Variants in HDAC5 observed in about 807,000 individuals in gnomAD.
HDAC5 encodes histone deacetylase 5.
HDAC5 carries 25 observed loss-of-function variants against 133.3 expected under a neutral mutation model. That is an observed-to-expected ratio of 0.19 (90% CI 0.14 to 0.26). The LOEUF (loss-of-function observed/expected upper bound fraction) is 0.26. Among genes scored for constraint, HDAC5 ranks in the 10% least tolerant of loss-of-function variants. The pLI, the probability that HDAC5 is intolerant of heterozygous loss-of-function variation, is 1.00. For missense variants in HDAC5, 1,041 were observed against 1,460.5 expected, an observed-to-expected ratio of 0.71 and a Z score of 4.68; for synonymous variants, 589 against 610.8, an observed-to-expected ratio of 0.96 and a Z score of 0.53.
chr17:44,092,309 G>C, intron 8 of HDAC5, 25 bp from the exon 9 acceptor site: 5 of 1,613,488 alleles, frequency 3.1e-6, no homozygotes, highest in Non-Finnish European at 4.2e-6. Flanking sequence ...GCTGTCACCT[G>C]GGCCTGCTGT....
intron 12 of HDAC5, 96 bp downstream of exon 12, chr17:44,088,291 G>C (rs137940126): frequency 2.0e-6 from 3 of 1,476,870 alleles, no homozygotes; most frequent in East Asian, 2.5e-5. Context: ...GCGAGCCACC[G>C]TGTCTGGCCT....
In HDAC5 at chr17:44,092,435, C is replaced by T; in HGVS notation, c.865G>A (p.Val289Ile). Residue 289 changes from valine (V) to isoleucine (I), a missense_variant, in exon 8 of 27, where the codon GTT becomes ATT. By Grantham distance (29) the Val-to-Ile change is conservative (BLOSUM62 3). Transcript: ENST00000682912. ...SPLLRRKDGT[V>I]ISTFKKRAVE... ...GCTCTCTTCTTAAAGGTGCTAATAACAGTCCCATCCTTGCGACGCAGGAGG... is the reference window on the plus strand; with the variant it reads ...GCTCTCTTCTTAAAGGTGCTAATAATAGTCCCATCCTTGCGACGCAGGAGG... The T allele has an allele frequency of 1.9e-6, 3 of 1,614,068 alleles. No individual in the cohort carries two copies. Among genetic ancestry groups the T allele is most frequent in the Non-Finnish European group, 2.5e-6 (3 of 1,179,970 alleles).
chr17:44,102,691 GTC>G (rs981051932), intron 3 of HDAC5, among the ~76,000 whole-genome samples: 5 of 133,844 alleles, frequency 3.7e-5, no homozygotes, highest in African/African-American at 1.4e-4. Flanking sequence ...TTTGGAGACA[GTC>G]TCTCTGTTGC....
Position 44,080,871 on chromosome 17 carries a change from A to G in HDAC5, c.2619T>C (p.His873=). Residue 873 remains histidine, a synonymous_variant, in exon 21 of 27, where the codon CAT becomes CAC. Transcript: ENST00000682912. ...AGAACGCCTGCTGGGTGCCATTGCC[A>G]TGGTGAATGTCCTATGAGGGGAGGT... The part of the protein sequence containing the change: ...KVLIVDWDIH[H]GNGTQQAFYN... 6.2e-7 allele frequency: 1 copy of G among 1,614,192 alleles called. No homozygotes were observed. The highest frequency in any genetic ancestry group is 8.5e-7 in the Non-Finnish European group (1 of 1,180,014).
At chr17:44,090,007 C>T (rs1039613084) in intron 11 of HDAC5, among the ~76,000 whole-genome samples, 13 of 149,208 alleles carry the variant, frequency 8.7e-5, no homozygotes, top group East Asian at 2.0e-4. Flanking sequence ...CCGAGGCGAA[C>T]GGATCACCTG....
chr17:44,083,031 T>A (rs2050469687), intron 18 of HDAC5, among the ~76,000 whole-genome samples: 1 of 152,038 alleles, frequency 6.6e-6, no homozygotes, highest in South Asian at 2.1e-4. Context: ...CAGGCTGGAG[T>A]GCAGTGGCGC....
In HDAC5 at chr17:44,092,301, T is replaced by G. The variant is rs747070157; in HGVS notation, c.920-17A>C. 1.2e-6 allele frequency: 2 copies of G among 1,613,788 alleles called. No individual in the cohort carries two copies. The highest frequency in any genetic ancestry group is 2.2e-5 in the South Asian group (2 of 91,070). Reference sequence around the variant, plus strand: ...CGGACGACGCTATAGGAGAAGTGGCTGTCACCTGGGCCTGCTGTGAACTAC... The same window carrying G: ...CGGACGACGCTATAGGAGAAGTGGCGGTCACCTGGGCCTGCTGTGAACTAC... On this transcript the variant is annotated splice_polypyrimidine_tract_variant and intron_variant, in intron 8 of 26. Transcript: ENST00000682912.
chr17:44,102,965 C>T (rs2051712595), intron 3 of HDAC5, among the ~76,000 whole-genome samples: 1 of 152,194 alleles, frequency 6.6e-6, no homozygotes, highest in South Asian at 2.1e-4. Flanking sequence ...CCGCCCCCGG[C>T]CCAGGTTCCC....
At chr17:44,084,848 TG>T (rs368404125) in intron 15 of HDAC5, among the ~76,000 whole-genome samples, 173 bp from the exon 16 acceptor site, 88 of 152,148 alleles carry the variant, frequency 5.8e-4, no homozygotes, top group African/African-American at 2.0e-3. Flanking sequence ...CCCACTCAGC[TG>T]GGGACCATGG....
chr17:44,114,000 G>A (rs966862267), intron 2 of HDAC5, among the ~76,000 whole-genome samples: 1 of 132,798 alleles, frequency 7.5e-6, no homozygotes, highest in Non-Finnish European at 1.5e-5. Flanking sequence ...CATGGCCTGG[G>A]AGCTGCCATG....
chr17:44,103,117 G>C (rs2051721732), intron 3 of HDAC5, among the ~76,000 whole-genome samples: 1 of 152,074 alleles, frequency 6.6e-6, no homozygotes, highest in Non-Finnish European at 1.5e-5. Context: ...TGGAGATTGG[G>C]GAAAAGCTCT....
chr17:44,077,998 T>C lies in HDAC5; in HGVS notation c.*378A>G. On this transcript the variant is annotated 3_prime_UTR_variant, in exon 27 of 27. Transcript: ENST00000682912. Reference sequence around the variant, plus strand: ...TTAAGGCATTTCCCCCCAAATCAGCTGAAACCAAGGCACCGACTTCCCGTT... The same window carrying C: ...TTAAGGCATTTCCCCCCAAATCAGCCGAAACCAAGGCACCGACTTCCCGTT... 1 of 195,432 alleles carries C rather than the reference T, an allele frequency of 5.1e-6. No individual in the cohort carries two copies. The highest frequency in any genetic ancestry group is 1.0e-5 in the Non-Finnish European group (1 of 96,454). 12.1% of individuals were successfully genotyped at this position (195,432 alleles called of 1,614,324 possible).
At chr17:44,084,870 G>A in intron 15 of HDAC5, 152 bp downstream of exon 15, 1 of 1,254,826 alleles carries the variant, frequency 8.0e-7, no homozygotes, top group Non-Finnish European at 1.1e-6. Flanking sequence ...GGGAAAACAG[G>A]CTGCAAGGGA....
chr17:44,094,767 T>C (rs575325503), intron 3 of HDAC5, among the ~76,000 whole-genome samples: 45 of 151,892 alleles, frequency 3.0e-4, no homozygotes, highest in South Asian at 1.2e-3. Flanking sequence ...TATATATATA[T>C]ACACACACAC....
chr17:44,080,253 C>G, intron 22 of HDAC5, 28 bp from the exon 23 acceptor site: 7 of 1,586,764 alleles, frequency 4.4e-6, no homozygotes, highest in Non-Finnish European at 5.2e-6. Context: ...AAGCTGAGCC[C>G]GGCAGATGAC....
At chr17:44,100,059 T>G (rs1026083103) in intron 3 of HDAC5, among the ~76,000 whole-genome samples, 2 of 151,936 alleles carry the variant, frequency 1.3e-5, no homozygotes, top group Non-Finnish European at 2.9e-5. Context: ...CAGCACAGCC[T>G]TAGTCTAAAA....
chr17:44,087,851 T>C (rs1170269300), intron 12 of HDAC5, among the ~76,000 whole-genome samples, 155 bp from the exon 13 acceptor site: 1 of 151,956 alleles, frequency 6.6e-6, no homozygotes, highest in Non-Finnish European at 1.5e-5. Flanking sequence ...GAGAGGACTT[T>C]TTTTTTTTTT....
intron 14 of HDAC5, 28 bp downstream of exon 14, chr17:44,086,544 A>G: frequency 3.9e-6 from 5 of 1,292,000 alleles, no homozygotes; most frequent in Non-Finnish European, 4.9e-6. Flanking sequence ...TGCCTGGCAG[A>G]AGGACCTAAC....
rs917051425 is a variant in HDAC5 at position 44,107,562 on chromosome 17, C to G, written c.94+3167G>C. ...GGTGGAGGCTGTGGTGACCCAAGAT[C>G]GTGCCACTGTACTCCAGCCTGGGCA... is the stretch of plus-strand genomic sequence containing the variant. On this transcript the variant is annotated intron_variant, in intron 3 of 26. Coordinates refer to ENST00000682912, the MANE Select transcript of HDAC5 (RefSeq NM_005474.5). Among the ~76,000 whole-genome samples, 31 of 139,312 alleles carry G rather than the reference C, an allele frequency of 2.2e-4. No individual in the cohort carries two copies. The Admixed American group carries it at 2.4e-3, about 11-fold the overall frequency. 91.4% of individuals were successfully genotyped at this position (139,312 alleles called of 152,430 possible). A position where few individuals can be genotyped will look rare whatever the true frequency, so the allele number is the denominator to read the frequency against.
Sources: allele counts gnomAD v4.1 joint callset (sites outside exome capture counted in the v4.1 genomes callset), GRCh38; gene constraint gnomAD v4.1.1; transcripts MANE v1.5; gene names NCBI Gene and HGNC (gene_info 2026-07-23, HGNC 2026-07-21).